The following DNHD1 variants were observed in gnomAD, a reference collection of about 807,000 sequenced individuals.
DNHD1 encodes the protein dynein heavy chain domain-containing protein 1.
Under a neutral mutation model 458.1 loss-of-function variants are expected in DNHD1, and 383 were observed. The observed-to-expected ratio is 0.84, with a 90% CI of 0.77 to 0.91. The LOEUF (loss-of-function observed/expected upper bound fraction) is 0.91. DNHD1 is among the 40% of genes least tolerant of loss of function. The probability of loss-of-function intolerance (pLI) is 0.00; values close to 1 mark genes in which losing one functional copy is unlikely to be tolerated. For synonymous variants in DNHD1, 2,203 were observed against 2,376.9 expected, an observed-to-expected ratio of 0.93 and a Z score of 2.13; for missense variants, 5,336 against 5,866.1, an observed-to-expected ratio of 0.91 and a Z score of 2.95.
chr11:6,534,300 C>A, intron 14 of DNHD1, 127 bp downstream of exon 14: 2 of 954,582 alleles, frequency 2.1e-6, no homozygotes, highest in Non-Finnish European at 3.0e-6. Flanking sequence ...CACACCTTCA[C>A]TGGTGTCTTT....
rs200218805 is a variant in DNHD1 at position 6,567,654 on chromosome 11, C to A, written c.12145C>A (p.Pro4049Thr). The change falls in exon 36 of 43, where the codon CCT (proline) becomes ACT (threonine). Residue 4049 changes from proline to threonine, a missense_variant. By Grantham distance (38) the Pro-to-Thr change is conservative. Transcript: ENST00000254579. ...QKLILWRVLR[P>T]ECLAGALADF... ...GCTGATCCTGTGGCGCGTTCTGCGA[C>A]CTGAGTGCCTGGCAGGTGCCCTGGC... 3.1e-6 allele frequency: 5 copies of A among 1,613,942 alleles called. No individual in the cohort carries two copies. Among genetic ancestry groups the A allele is most frequent in the Admixed American group, 3.3e-5 (2 of 60,030 alleles).
At chr11:6,525,596 T>TTTTG (rs1340051478) in intron 10 of DNHD1, among the ~76,000 whole-genome samples, 1 of 152,238 alleles carries the variant, frequency 6.6e-6, no homozygotes, top group Non-Finnish European at 1.5e-5. Flanking sequence ...TTTCTAGTAA[T>TTTTG]TTTGTTTGTC....
intron 24 of DNHD1, among the ~76,000 whole-genome samples, chr11:6,551,257 G>T (rs1304024178): frequency 6.6e-6 from 1 of 152,082 alleles, no homozygotes; most frequent in Non-Finnish European, 1.5e-5. Context: ...AATTACAAGA[G>T]AAATTAGAGA....
chr11:6,546,295 G>A lies in DNHD1; in HGVS notation c.5356G>A (p.Gly1786Ser). Residue 1786 changes from glycine (G) to serine (S), a missense_variant, in exon 21 of 43, where the codon GGC becomes AGC. This residue lies in a region of DNHD1 where 3,932 missense variants were observed against 4,365.6 expected (regional missense o/e 0.90). Transcript: ENST00000254579. ...TIDPTQPQLLGSSFFEKHHVS... is the reference protein window; with the variant it reads ...TIDPTQPQLLSSSFFEKHHVS... The stretch of plus-strand genomic sequence containing the variant: ...AGACCCCACCCAGCCCCAGCTCCTT[G>A]GCAGTAGCTTCTTTGAAAAACATCA... The A allele has an allele frequency of 6.4e-7, 1 of 1,552,376 alleles. No individual in the cohort carries two copies. The highest frequency in any genetic ancestry group is 2.4e-5 in the East Asian group (1 of 40,918).
intron 7 of DNHD1, among the ~76,000 whole-genome samples, chr11:6,515,132 C>A (rs148420739): frequency 2.8e-4 from 43 of 152,336 alleles, no homozygotes; most frequent in African/African-American, 9.9e-4. Flanking sequence ...TCTCTTAAAA[C>A]TGTTACTATG....
rs753451276 is a variant in DNHD1, at chr11:6,544,251, G to A, written c.3754+5G>A. ...TGGCCATCATGCATGGCCTGGGTAA[G>A]TGCAGGCCTCTAGCCAGGCTGATGG... On this transcript the variant is annotated splice_donor_5th_base_variant and intron_variant, in intron 19 of 42. Coordinates refer to ENST00000254579, the MANE Select transcript of DNHD1 (RefSeq NM_144666.3). 63 of 1,551,424 alleles carry A rather than the reference G, an allele frequency of 4.1e-5. No individual in the cohort carries two copies. The highest frequency in any genetic ancestry group is 4.8e-5 in the Non-Finnish European group (55 of 1,146,972).
chr11:6,561,246 G>A (rs1853581671), intron 28 of DNHD1, among the ~76,000 whole-genome samples: 1 of 152,062 alleles, frequency 6.6e-6, no homozygotes, highest in Non-Finnish European at 1.5e-5. Context: ...GACCAGCCTG[G>A]GCAACACAGC....
chr11:6,530,656 C>T (rs1252927088), intron 12 of DNHD1, among the ~76,000 whole-genome samples: 1 of 152,184 alleles, frequency 6.6e-6, no homozygotes, highest in Non-Finnish European at 1.5e-5. Context: ...GCCCTGCTTG[C>T]TTCGCCTTCC....
Position 6,528,707 on chromosome 11 carries a change from A to C in DNHD1, c.2023A>C (p.Asn675His). Residue 675 changes from asparagine (N) to histidine (H), a missense_variant, in exon 11 of 43, where the codon AAT becomes CAT. Physicochemically the swap from Asn to His is moderately conservative, Grantham distance 68. Coordinates refer to ENST00000254579, the MANE Select transcript of DNHD1 (RefSeq NM_144666.3). ...GCTGCGGGGCCAATACTTCCCCCAC[A>C]ATTATAAGCAGCTGGAGGAAGACCT... ...CRLRGQYFPHNYKQLEEDLDN... is the reference protein window; with the variant it reads ...CRLRGQYFPHHYKQLEEDLDN... 6.4e-7 allele frequency: 1 copy of C among 1,551,702 alleles called. No homozygotes were observed. The highest frequency in any genetic ancestry group is 8.7e-7 in the Non-Finnish European group (1 of 1,146,982).
In DNHD1 at chr11:6,548,017, C is replaced by T. The variant is rs756242531; in HGVS notation, c.6882C>T (p.Gly2294=). Residue 2294 remains glycine, a synonymous_variant, in exon 22 of 43, where the codon GGC becomes GGT. Coordinates refer to ENST00000254579, the MANE Select transcript of DNHD1 (RefSeq NM_144666.3). This position sits in a 1 kb window ranked among gnomAD's most constrained non-coding sequence, Gnocchi z 4.4. The part of the protein sequence containing the change: ...VSSFLFALIW[G]FGAHLPSRFW... ...GTTTTCTTTTTGCCTTGATCTGGGG[C>T]TTTGGAGCCCACCTTCCCTCCAGGT... The T allele has an allele frequency of 6.4e-7, 1 of 1,551,640 alleles. No individual in the cohort carries two copies. Among genetic ancestry groups the T allele is most frequent in the South Asian group, 1.2e-5 (1 of 84,058 alleles).
At chr11:6,499,399 G>A (rs1391845792) in intron 3 of DNHD1, among the ~76,000 whole-genome samples, 1 of 152,128 alleles carries the variant, frequency 6.6e-6, no homozygotes, top group African/African-American at 2.4e-5. Flanking sequence ...ATGTGTGTCC[G>A]AGTGTCCTTC....
chr11:6,535,307 G>A (rs1852921825), intron 14 of DNHD1, among the ~76,000 whole-genome samples: 1 of 152,152 alleles, frequency 6.6e-6, no homozygotes, highest in South Asian at 2.1e-4. Flanking sequence ...GTATATACAT[G>A]TGCACACATT....
chr11:6,526,225 T>C (rs1852708510), intron 10 of DNHD1, among the ~76,000 whole-genome samples: 1 of 152,210 alleles, frequency 6.6e-6, no homozygotes, highest in Non-Finnish European at 1.5e-5. Context: ...TTATGTCCCA[T>C]TTTAGTTAAA....
In DNHD1 at chr11:6,520,758, G is replaced by T. The variant is rs867898147; in HGVS notation, c.1837+469G>T. On this transcript the variant is annotated intron_variant, in intron 10 of 42. Transcript: ENST00000254579. Reference sequence around the variant, plus strand: ...ATTTTATGGTTACCAATTATTATTGGTTATCAGTCTTCACACTTATTAACC... The same window carrying T: ...ATTTTATGGTTACCAATTATTATTGTTTATCAGTCTTCACACTTATTAACC... 12 of 1,001,940 alleles carry T rather than the reference G, an allele frequency of 1.2e-5. No individual in the cohort carries two copies. The South Asian group carries it at 3.5e-4, about 29-fold the overall frequency. 62.1% of individuals were successfully genotyped at this position (1,001,940 alleles called of 1,614,324 possible).
chr11:6,512,680 C>T (rs1852369914), intron 7 of DNHD1, among the ~76,000 whole-genome samples: 1 of 152,114 alleles, frequency 6.6e-6, no homozygotes, highest in Non-Finnish European at 1.5e-5. Flanking sequence ...TCCTCTTTAT[C>T]CTACTCTGTT....
Position 6,571,066 on chromosome 11 carries a change from C to A in DNHD1, c.13554C>A (p.Ser4518=). Residue 4518 remains serine (S), a synonymous_variant, in exon 42 of 43, where the codon TCC becomes TCA. Transcript: ENST00000254579. This position sits in a 1 kb window ranked among gnomAD's most constrained non-coding sequence, Gnocchi z 5.0. ...QQLKGAPPCP[S]RRCAAVAHAL... Reference sequence around the variant, plus strand: ...TGAAGGGCGCACCCCCGTGCCCCTCCCGCCGCTGTGCTGCGGTGGCCCACG... The same window carrying A: ...TGAAGGGCGCACCCCCGTGCCCCTCACGCCGCTGTGCTGCGGTGGCCCACG... The A allele has an allele frequency of 6.3e-7, 1 of 1,581,708 alleles. No homozygotes were observed.
intron 10 of DNHD1, 40 bp downstream of exon 10, chr11:6,520,329 G>A: frequency 6.4e-7 from 1 of 1,551,454 alleles, no homozygotes; most frequent in South Asian, 1.2e-5. Context: ...GAAGGCTGAA[G>A]GAGGGAAAGG....
At position 6,566,660 on chromosome 11, in the gene DNHD1, G is replaced by A; in HGVS notation, c.11280G>A (p.Gln3760=). 1 of 1,613,716 alleles carries A rather than the reference G, an allele frequency of 6.2e-7. No homozygotes were observed. The highest frequency in any genetic ancestry group is 8.5e-7 in the Non-Finnish European group (1 of 1,179,788). Residue 3760 remains glutamine, a synonymous_variant, in exon 35 of 43, where the codon CAG becomes CAA. Coordinates refer to ENST00000254579, the MANE Select transcript of DNHD1 (RefSeq NM_144666.3). ...TGAACATGGAAATACTGGAAGAACAGATGCTGCATGAAATCTTGTGCAGAG... is the reference window on the plus strand; with the variant it reads ...TGAACATGGAAATACTGGAAGAACAAATGCTGCATGAAATCTTGTGCAGAG... ...LGLNMEILEE[Q]MLHEILCREY... is the part of the protein sequence containing the mutation.
Position 6,545,354 on chromosome 11 carries a change from C to G in DNHD1, c.4415C>G (p.Ala1472Gly), listed in dbSNP as rs777837020. The G allele has an allele frequency of 6.4e-7, 1 of 1,551,790 alleles. No homozygotes were observed. Among genetic ancestry groups the G allele is most frequent in the South Asian group, 1.2e-5 (1 of 84,064 alleles). ...MLQGCVAARL[A>G]RGPSLGEALK... is the part of the protein sequence containing the mutation. Reference sequence around the variant, plus strand: ...CAGGGCTGTGTGGCTGCTCGCCTTGCTCGAGGCCCATCTCTAGGTGAGGCC... The same window carrying G: ...CAGGGCTGTGTGGCTGCTCGCCTTGGTCGAGGCCCATCTCTAGGTGAGGCC... Residue 1472 changes from alanine to glycine, a missense_variant, in exon 21 of 43, where the codon GCT becomes GGT. Transcript: ENST00000254579. This position sits in a 1 kb window ranked among gnomAD's most constrained non-coding sequence, Gnocchi z 4.9.
Sources: allele counts gnomAD v4.1 joint callset (sites outside exome capture counted in the v4.1 genomes callset), GRCh38; gene constraint gnomAD v4.1.1; regional missense constraint gnomAD v4.1.1; non-coding constraint Gnocchi (gnomAD v3.1); transcripts MANE v1.5; gene names NCBI Gene and HGNC (gene_info 2026-07-23, HGNC 2026-07-21).